ST8SIA6: variants seen among roughly 807,000 people sequenced by gnomAD.
ST8SIA6 encodes alpha-2,8-sialyltransferase 8F.
ST8SIA6 carries 39 observed loss-of-function variants against 33.6 expected under a neutral mutation model. That is an observed-to-expected ratio of 1.16 (90% CI 0.90 to 1.52). The LOEUF is 1.52. Among genes scored for constraint, ST8SIA6 ranks in the 40% most tolerant of loss-of-function variants. The pLI is 0.00. For synonymous variants in ST8SIA6, 172 were observed against 167.2 expected (o/e 1.03, Z -0.22); for missense variants, 441 against 443.8 (o/e 0.99, Z 0.06).
intron 4 of ST8SIA6, among the ~76,000 whole-genome samples, chr10:17,332,463 A>C (rs1452775979): frequency 6.6e-6 from 1 of 151,848 alleles, no homozygotes; most frequent in Non-Finnish European, 1.5e-5. Flanking sequence ...CTATTTCTTG[A>C]CTTTGTTTTT....
intron 4 of ST8SIA6, among the ~76,000 whole-genome samples, chr10:17,350,222 A>T (rs2131607352): frequency 6.6e-6 from 1 of 152,310 alleles, no homozygotes; most frequent in Middle Eastern, 3.4e-3. Context: ...GAATAAGTAG[A>T]AGGTACTATG....
At chr10:17,357,292 ATTTTT>A (rs113412171) in intron 4 of ST8SIA6, among the ~76,000 whole-genome samples, 1 of 143,812 alleles carries the variant, frequency 7.0e-6, no homozygotes, top group Non-Finnish European at 1.5e-5. Flanking sequence ...CGCCTGGCTA[ATTTTT>A]TTTTTTTTTT....
In ST8SIA6 at chr10:17,316,307, C is replaced by T. The variant is rs1426219652; in HGVS notation, c.*4571G>A. ...TTCCCTTTATGCTAAATTTAAAGGA[C>T]ATACCCTTATTTCTGTATATATGTC... is the stretch of plus-strand genomic sequence containing the variant. On this transcript the variant is annotated 3_prime_UTR_variant, in exon 8 of 8. Coordinates refer to ENST00000377602, the MANE Select transcript of ST8SIA6 (RefSeq NM_001004470.3). Among the ~76,000 whole-genome samples the T allele has an allele frequency of 6.6e-6, 1 of 151,998 alleles. No individual in the cohort carries two copies. The highest frequency in any genetic ancestry group is 2.4e-5 in the African/African-American group (1 of 41,426).
intron 2 of ST8SIA6, among the ~76,000 whole-genome samples, chr10:17,417,408 G>A (rs541403913): frequency 6.6e-6 from 1 of 152,206 alleles, no homozygotes; most frequent in Admixed American, 6.5e-5. Context: ...TAGGGCTGCT[G>A]TTCCTCTGCC....
chr10:17,349,288 C>A (rs1237611665), intron 4 of ST8SIA6, among the ~76,000 whole-genome samples: 1 of 152,148 alleles, frequency 6.6e-6, no homozygotes, highest in Non-Finnish European at 1.5e-5. Context: ...TACACATCCC[C>A]CTAGGCAGAG....
chr10:17,433,560 C>T (rs1852164850), intron 2 of ST8SIA6, among the ~76,000 whole-genome samples: 1 of 152,112 alleles, frequency 6.6e-6, no homozygotes, highest in African/African-American at 2.4e-5. Flanking sequence ...CCAGTGTAGA[C>T]AGCCACTCAA....
intron 3 of ST8SIA6, among the ~76,000 whole-genome samples, chr10:17,387,253 A>T (rs972465298): frequency 2.1e-5 from 3 of 145,418 alleles, no homozygotes; most frequent in Non-Finnish European, 3.0e-5. Context: ...GAAAACAATA[A>T]TTTTTTTTTT....
At chr10:17,386,423 C>T (rs962179997) in intron 3 of ST8SIA6, among the ~76,000 whole-genome samples, 3 of 152,056 alleles carry the variant, frequency 2.0e-5, no homozygotes, top group Admixed American at 6.5e-5. Context: ...CCTGTAGTCC[C>T]AGCTACTGGG....
intron 4 of ST8SIA6, among the ~76,000 whole-genome samples, chr10:17,335,983 T>TCTCA (rs1848487028): frequency 6.6e-6 from 1 of 151,478 alleles, no homozygotes; most frequent in African/African-American, 2.4e-5. Flanking sequence ...TTAGATAGAG[T>TCTCA]CTCACTGTGT....
chr10:17,342,793 A>C (rs140045529), intron 4 of ST8SIA6, among the ~76,000 whole-genome samples: 1 of 152,068 alleles, frequency 6.6e-6, no homozygotes, highest in African/African-American at 2.4e-5. Context: ...TACTAAAAAT[A>C]CAAAAATTAG....
At chr10:17,336,959 C>G (rs1364392993) in intron 4 of ST8SIA6, among the ~76,000 whole-genome samples, 3 of 152,074 alleles carry the variant, frequency 2.0e-5, no homozygotes, top group Admixed American at 6.6e-5. Context: ...TTCATATATG[C>G]TACCATATGA....
chr10:17,454,243 C>A lies in ST8SIA6; in HGVS notation c.13G>T (p.Gly5Cys). The A allele has an allele frequency of 4.1e-6, 1 of 242,438 alleles. No individual in the cohort carries two copies. The highest frequency in any genetic ancestry group is 7.8e-6 in the Non-Finnish European group (1 of 128,628). 15.0% of individuals were successfully genotyped at this position (242,438 alleles called of 1,614,324 possible). A position where few individuals can be genotyped will look rare whatever the true frequency, so the allele number is the denominator to read the frequency against. Residue 5 changes from glycine to cysteine, a missense_variant, in exon 1 of 8, where the codon GGC (glycine) becomes TGC (cysteine). Physicochemically the swap from Gly to Cys is radical, Grantham distance 159. Transcript: ENST00000377602. This position sits in a 1 kb window ranked among gnomAD's most constrained non-coding sequence, Gnocchi z 4.1. MRPGGALLALLASLL... is the reference protein window; with the variant it reads MRPGCALLALLASLL... ...CTGGCGAGCAGGGCGAGCAGTGCGC[C>A]CCCCGGCCGCATCCTGAGCCACAGG...
chr10:17,379,692 C>A (rs552340416), intron 3 of ST8SIA6, among the ~76,000 whole-genome samples: 1 of 152,046 alleles, frequency 6.6e-6, no homozygotes, highest in Non-Finnish European at 1.5e-5. Flanking sequence ...CTTTCCAGAC[C>A]GAATCAATGT....
Position 17,320,759 on chromosome 10 carries a change from C to T in ST8SIA6, c.*119G>A. ...GCAAAATGAGTGGGGAAGCTTTGGT[C>T]AAACCAAATTTTGGGGCTCATCTCA... On this transcript the variant is annotated 3_prime_UTR_variant, in exon 8 of 8. Transcript: ENST00000377602. The T allele has an allele frequency of 9.3e-7, 1 of 1,077,852 alleles. No individual in the cohort carries two copies. Among genetic ancestry groups the T allele is most frequent in the East Asian group, 2.5e-5 (1 of 39,622 alleles). 66.8% of individuals were successfully genotyped at this position (1,077,852 alleles called of 1,614,324 possible). A position where few individuals can be genotyped will look rare whatever the true frequency, so the allele number is the denominator to read the frequency against.
At chr10:17,388,725 G>A (rs969407433) in intron 3 of ST8SIA6, among the ~76,000 whole-genome samples, 1 of 152,140 alleles carries the variant, frequency 6.6e-6, no homozygotes, top group Non-Finnish European at 1.5e-5. Flanking sequence ...TCTTTAAGCT[G>A]TCCTTGTTTA....
At chr10:17,371,275 A>G (rs1285534989) in intron 3 of ST8SIA6, among the ~76,000 whole-genome samples, 2 of 152,192 alleles carry the variant, frequency 1.3e-5, no homozygotes, top group Admixed American at 6.5e-5. Context: ...CCTTACAGGC[A>G]TTCCAGGAAA....
At chr10:17,416,189 G>T (rs1851602731) in intron 2 of ST8SIA6, among the ~76,000 whole-genome samples, 1 of 151,960 alleles carries the variant, frequency 6.6e-6, no homozygotes, top group African/African-American at 2.4e-5. Context: ...ACACTCTCCT[G>T]GTTTTCTTTC....
intron 2 of ST8SIA6, among the ~76,000 whole-genome samples, chr10:17,419,886 T>G (rs1851727585): frequency 6.6e-6 from 1 of 152,238 alleles, no homozygotes; most frequent in Non-Finnish European, 1.5e-5. Flanking sequence ...CCACCTACCC[T>G]TTCTGAATCT....
chr10:17,450,909 C>G (rs897594844), intron 2 of ST8SIA6, among the ~76,000 whole-genome samples: 23 of 152,164 alleles, frequency 1.5e-4, no homozygotes, highest in African/African-American at 5.6e-4. Context: ...CAGACACACA[C>G]ACACACCATC....
Sources: allele counts gnomAD v4.1 joint callset (sites outside exome capture counted in the v4.1 genomes callset), GRCh38; gene constraint gnomAD v4.1.1; non-coding constraint Gnocchi (gnomAD v3.1); transcripts MANE v1.5; gene names NCBI Gene and HGNC (gene_info 2026-07-23, HGNC 2026-07-21).